CACNA1E: variants seen among roughly 807,000 people sequenced by gnomAD.
The protein encoded by CACNA1E is calcium voltage-gated channel subunit alpha1 E, also known as voltage-dependent R-type calcium channel subunit alpha-1E.
Under a neutral mutation model 259.2 loss-of-function variants are expected in CACNA1E, and 40 were observed. The ratio of observed to expected loss-of-function variants is 0.15; its 90% CI spans 0.12 to 0.20. The LOEUF is 0.20. Among genes scored for constraint, CACNA1E ranks in the 10% least tolerant of loss-of-function variants. The pLI, the probability that CACNA1E is intolerant of heterozygous loss-of-function variation, is 1.00. For synonymous variants in CACNA1E, 1,104 were observed against 1,138.5 expected, an observed-to-expected ratio of 0.97 and a Z score of 0.61; for missense variants, 1,874 against 3,040.1, an observed-to-expected ratio of 0.62 and a Z score of 9.02.
chr1:181,566,362 G>T (rs964707243), intron 3 of CACNA1E, among the ~76,000 whole-genome samples: 1 of 152,138 alleles, frequency 6.6e-6, no homozygotes, highest in Non-Finnish European at 1.5e-5. Flanking sequence ...TATAAACTGT[G>T]AAACAACAAT....
At chr1:181,652,398 G>A (rs910490131) in intron 7 of CACNA1E, among the ~76,000 whole-genome samples, 1 of 152,142 alleles carries the variant, frequency 6.6e-6, no homozygotes, top group South Asian at 2.1e-4. Flanking sequence ...AACTAAGTTG[G>A]TCATTTCTTG....
At chr1:181,694,459 G>A (rs987027155) in intron 7 of CACNA1E, among the ~76,000 whole-genome samples, 4 of 152,176 alleles carry the variant, frequency 2.6e-5, no homozygotes, top group African/African-American at 9.7e-5. Context: ...GAGGTGATTA[G>A]GTCATGACAG....
chr1:181,402,257 A>G (rs77677350), intron 1 of CACNA1E, among the ~76,000 whole-genome samples: 3,209 of 152,302 alleles, frequency 0.021, 102 homozygotes, highest in East Asian at 0.16. Context: ...GTAGAATATT[A>G]TGGTGAAGAC....
At chr1:181,523,717 A>T (rs1667153209) in intron 3 of CACNA1E, among the ~76,000 whole-genome samples, 1 of 152,242 alleles carries the variant, frequency 6.6e-6, no homozygotes, top group Admixed American at 6.5e-5. Context: ...AGAGCCTCAC[A>T]CTTGAAAGAA....
intron 44 of CACNA1E, among the ~76,000 whole-genome samples, chr1:181,790,860 AT>A (rs766888074): frequency 2.0e-4 from 31 of 152,330 alleles, no homozygotes; most frequent in Non-Finnish European, 3.5e-4. Context: ...CACTTATAAA[AT>A]CTTGCCTTTG....
At chr1:181,756,142 G>C in intron 29 of CACNA1E, 49 bp downstream of exon 29, 1 of 1,551,548 alleles carries the variant, frequency 6.4e-7, no homozygotes, top group African/African-American at 1.4e-5. Context: ...TAGGACCCCT[G>C]GTTGCCTTGA....
chr1:181,386,529 G>C (rs1216059993), intron 1 of CACNA1E, among the ~76,000 whole-genome samples: 1 of 152,192 alleles, frequency 6.6e-6, no homozygotes, highest in African/African-American at 2.4e-5. Context: ...ATCAGGATCA[G>C]AGCCATCCAA....
chr1:181,562,766 C>T (rs1334566456), intron 3 of CACNA1E, among the ~76,000 whole-genome samples: 1 of 152,184 alleles, frequency 6.6e-6, no homozygotes, highest in Non-Finnish European at 1.5e-5. Context: ...TTAAATTCCT[C>T]TCTGAGAAAA....
intron 6 of CACNA1E, among the ~76,000 whole-genome samples, chr1:181,634,652 C>G (rs764152369): frequency 1.3e-5 from 2 of 152,160 alleles, no homozygotes; most frequent in Non-Finnish European, 2.9e-5. Context: ...ATTCGGGAGG[C>G]CAATTATGTG....
At chr1:181,791,314 A>G (rs1661282419) in intron 44 of CACNA1E, among the ~76,000 whole-genome samples, 2 of 152,184 alleles carry the variant, frequency 1.3e-5, no homozygotes, top group Non-Finnish European at 1.5e-5. Context: ...TACTAAAAAT[A>G]CAAAAAAAAT....
At chr1:181,676,868 C>A (rs928642791) in intron 7 of CACNA1E, among the ~76,000 whole-genome samples, 5 of 151,898 alleles carry the variant, frequency 3.3e-5, no homozygotes, top group Non-Finnish European at 7.4e-5. Flanking sequence ...TAGTTTAGAA[C>A]CATTAGTCAG....
intron 3 of CACNA1E, among the ~76,000 whole-genome samples, chr1:181,518,075 G>A (rs1666724303): frequency 1.3e-5 from 2 of 152,156 alleles, no homozygotes; most frequent in South Asian, 4.2e-4. Flanking sequence ...CAGATGGGGA[G>A]CAAGGGCAGA....
In CACNA1E at chr1:181,758,935, T is replaced by C. The variant is rs1442390741; in HGVS notation, c.4605+67T>C. 4.5e-6 allele frequency: 4 copies of C among 884,838 alleles called. No homozygotes were observed. Among genetic ancestry groups the C allele is most frequent in the Non-Finnish European group, 7.4e-6 (4 of 538,398 alleles). The allele number at this position is 884,838 out of a possible 1,614,324, so 54.8% of individuals were successfully genotyped here. A position where few individuals can be genotyped will look rare whatever the true frequency, so the allele number is the denominator to read the frequency against. The stretch of plus-strand genomic sequence containing the variant: ...CTGTTGGGTGCCTTCCCAGTCTTTG[T>C]TGAAGGGGAGGTGGTTACTGCTATT... On this transcript the variant is annotated intron_variant, in intron 32 of 47. Coordinates refer to ENST00000367573, the MANE Select transcript of CACNA1E (RefSeq NM_001205293.3). The surrounding 1 kb of genome is among the most constrained non-coding windows in gnomAD (Gnocchi z 4.2).
At chr1:181,340,256 GT>G (rs552848461) in intron 1 of CACNA1E, among the ~76,000 whole-genome samples, 6 of 151,682 alleles carry the variant, frequency 4.0e-5, no homozygotes, top group Admixed American at 1.3e-4. Context: ...TTTCTTATAG[GT>G]ATATGCATCT....
At position 181,798,426 on chromosome 1, in the gene CACNA1E, C is replaced by A; in HGVS notation, c.6534C>A (p.His2178Gln). ...TTTCCTACAGCTCCCTGATTCGACA[C>A]GCGGGCAGCATCTCTCCACCTGCTG... ...PLLSYSSLIR[H>Q]AGSISPPADG... Residue 2178 changes from histidine (H) to glutamine (Q), a missense_variant, in exon 48 of 48, where the codon CAC becomes CAA. Transcript: ENST00000367573. This position sits in a 1 kb window ranked among gnomAD's most constrained non-coding sequence, Gnocchi z 4.2. The A allele has an allele frequency of 1.2e-6, 2 of 1,613,762 alleles. No individual in the cohort carries two copies. Among genetic ancestry groups the A allele is most frequent in the Non-Finnish European group, 1.7e-6 (2 of 1,179,882 alleles).
intron 2 of CACNA1E, among the ~76,000 whole-genome samples, chr1:181,421,661 C>T (rs631681): frequency 0.19 from 28,359 of 152,000 alleles, 3,053 homozygotes; most frequent in African/African-American, 0.28. Flanking sequence ...TCCAGTTGTC[C>T]GAGCCAAATA....
At chr1:181,652,857 G>A (rs545109422) in intron 7 of CACNA1E, among the ~76,000 whole-genome samples, 1 of 152,148 alleles carries the variant, frequency 6.6e-6, no homozygotes, top group South Asian at 2.1e-4. Flanking sequence ...TACACCTGAG[G>A]GTAGTGTTGA....
chr1:181,787,838 T>C lies in CACNA1E; in HGVS notation c.5786+2019T>C, dbSNP rs544472687. 1.1e-4 allele frequency among the ~76,000 whole-genome samples: 16 copies of C among 152,292 alleles called. No individual in the cohort carries two copies. The East Asian group carries it at 2.9e-3, about 28-fold the overall frequency. ...TGGTAAGTTTAAGGAACCTAAAAAC[T>C]GTCATGATGGTTGGAGCATGGAGAG... On this transcript the variant is annotated intron_variant, in intron 43 of 47. Transcript: ENST00000367573.
At chr1:181,518,769 A>G (rs1666777935) in intron 3 of CACNA1E, among the ~76,000 whole-genome samples, 1 of 152,210 alleles carries the variant, frequency 6.6e-6, no homozygotes, top group Non-Finnish European at 1.5e-5. Flanking sequence ...TCCAGATGTA[A>G]GACATTGGTG....
Sources: gnomAD v4.1 joint callset for allele counts (sites outside exome capture counted in the v4.1 genomes callset) on GRCh38, gnomAD v4.1.1 for gene constraint, Gnocchi (gnomAD v3.1) non-coding constraint, MANE v1.5 for transcripts, NCBI Gene and HGNC (gene_info 2026-07-23, HGNC 2026-07-21) for gene names.